The following EHMT1 variants were observed in gnomAD, a reference collection of about 807,000 sequenced individuals.
The protein encoded by EHMT1 is euchromatic histone lysine methyltransferase 1.
EHMT1 carries 15 observed loss-of-function variants against 147.2 expected under a neutral mutation model. The ratio of observed to expected loss-of-function variants is 0.10; its 90% CI spans 0.07 to 0.16. EHMT1 has a LOEUF of 0.16. Among genes scored for constraint, EHMT1 ranks in the 10% least tolerant of loss-of-function variants. The pLI, the probability that EHMT1 is intolerant of heterozygous loss-of-function variation, is 1.00. For missense variants in EHMT1, 1,587 were observed against 1,772.4 expected, an observed-to-expected ratio of 0.90 and a Z score of 1.88; for synonymous variants, 795 against 709.6, an observed-to-expected ratio of 1.12 and a Z score of -1.91.
At chr9:137,692,187 G>A (rs1332625969) in intron 1 of EHMT1, among the ~76,000 whole-genome samples, 1 of 151,982 alleles carries the variant, frequency 6.6e-6, no homozygotes, top group African/African-American at 2.4e-5. Flanking sequence ...GAACGTTTAC[G>A]TGCACCTGTG....
chr9:137,674,016 A>C (rs560782268), intron 1 of EHMT1, among the ~76,000 whole-genome samples: 2 of 152,296 alleles, frequency 1.3e-5, no homozygotes, highest in Admixed American at 6.5e-5. Context: ...AGGCCCAGAC[A>C]AGGTGCTGAC....
At chr9:137,668,086 G>C (rs1305697702) in intron 1 of EHMT1, among the ~76,000 whole-genome samples, 1 of 152,082 alleles carries the variant, frequency 6.6e-6, no homozygotes, top group Non-Finnish European at 1.5e-5. Context: ...TTCGACCTTG[G>C]AGAAGAGGCA....
rs1295409987 is a variant in EHMT1, at chr9:137,775,886, T to G, written c.1791+634T>G. On this transcript the variant is annotated intron_variant, in intron 11 of 26. Transcript: ENST00000460843. This position sits in a 1 kb window ranked among gnomAD's most constrained non-coding sequence, Gnocchi z 6.1. ...TGGGCATCCTCGTGCATGTAGGGTGTGTGTGTGTGTGTGTCTGTGCGCGCA... is the reference window on the plus strand; with the variant it reads ...TGGGCATCCTCGTGCATGTAGGGTGGGTGTGTGTGTGTGTCTGTGCGCGCA... 1.3e-5 allele frequency among the ~76,000 whole-genome samples: 2 copies of G among 151,242 alleles called. No homozygotes were observed. Among genetic ancestry groups the G allele is most frequent in the Non-Finnish European group, 2.9e-5 (2 of 67,868 alleles).
intron 1 of EHMT1, among the ~76,000 whole-genome samples, chr9:137,709,397 G>GC (rs908111505): frequency 7.9e-5 from 12 of 152,274 alleles, no homozygotes; most frequent in African/African-American, 2.6e-4. Context: ...GGAAACCTGG[G>GC]CCCCCCTGCC....
intron 16 of EHMT1, among the ~76,000 whole-genome samples, 185 bp from the exon 17 acceptor site, chr9:137,798,628 G>A (rs978198038): frequency 6.6e-6 from 1 of 152,156 alleles, no homozygotes; most frequent in South Asian, 2.1e-4. Context: ...GGGGCCACAG[G>A]GGGCTGCACA....
intron 8 of EHMT1, 43 bp from the exon 9 acceptor site, chr9:137,757,837 G>A (rs564617840): frequency 4.7e-5 from 76 of 1,611,558 alleles, no homozygotes; most frequent in South Asian, 1.6e-4. Flanking sequence ...GGGTGCGGCC[G>A]CCTGGGTGCG....
chr9:137,635,821 A>C (rs1376139863), intron 1 of EHMT1, among the ~76,000 whole-genome samples: 1 of 151,892 alleles, frequency 6.6e-6, no homozygotes, highest in East Asian at 2.0e-4. Context: ...CTGTCTCAAA[A>C]AACAAAACAA....
At chr9:137,681,090 G>A (rs1173019316) in intron 1 of EHMT1, among the ~76,000 whole-genome samples, 5 of 152,240 alleles carry the variant, frequency 3.3e-5, no homozygotes, top group African/African-American at 4.8e-5. Context: ...CAGGAGCAAA[G>A]CCCAGGCCAC....
chr9:137,675,756 C>T (rs576285500), intron 1 of EHMT1, among the ~76,000 whole-genome samples: 9 of 143,092 alleles, frequency 6.3e-5, no homozygotes, highest in South Asian at 4.4e-4. Flanking sequence ...GGATTACAGG[C>T]GTGCACCAAC....
rs766130532 is a variant in EHMT1 at position 137,728,538 on chromosome 9, G to C, written c.823+9G>C. The C allele has an allele frequency of 6.2e-7, 1 of 1,614,020 alleles. No individual in the cohort carries two copies. Among genetic ancestry groups the C allele is most frequent in the Non-Finnish European group, 8.5e-7 (1 of 1,179,998 alleles). On this transcript the variant is annotated intron_variant, in intron 4 of 26. Transcript: ENST00000460843. ...CACAAAATCACAGACAGGTAAAGAG[G>C]ACCCGGCAACTGTCTCTGCTCTTTG...
chr9:137,774,667 G>A (rs1270789543), intron 10 of EHMT1, among the ~76,000 whole-genome samples: 3 of 136,414 alleles, frequency 2.2e-5, no homozygotes, highest in Admixed American at 7.2e-5. Flanking sequence ...ATGTGGTCGC[G>A]CCTGGCCCCC....
At chr9:137,827,932 C>T (rs1334324889) in intron 25 of EHMT1, among the ~76,000 whole-genome samples, 2 of 152,196 alleles carry the variant, frequency 1.3e-5, no homozygotes, top group Non-Finnish European at 2.9e-5. Flanking sequence ...GTGTCCGTTC[C>T]TTTGAGGGTT....
chr9:137,650,337 G>A (rs1937659390), intron 1 of EHMT1, among the ~76,000 whole-genome samples: 1 of 151,678 alleles, frequency 6.6e-6, no homozygotes, highest in African/African-American at 2.4e-5. Flanking sequence ...GGGCTCAAGC[G>A]ATCTGCTCAC....
intron 1 of EHMT1, among the ~76,000 whole-genome samples, chr9:137,681,810 A>G (rs1941967882): frequency 6.6e-6 from 1 of 152,068 alleles, no homozygotes; most frequent in Admixed American, 6.5e-5. Context: ...GTGCCCCTCC[A>G]GGTGTTTGTG....
chr9:137,740,887 C>G (rs968062143), intron 4 of EHMT1, among the ~76,000 whole-genome samples: 84 of 152,072 alleles, frequency 5.5e-4, no homozygotes, highest in African/African-American at 2.0e-3. Flanking sequence ...ACTGCAAGCT[C>G]TGCCTCCCGG....
intron 25 of EHMT1, among the ~76,000 whole-genome samples, chr9:137,822,133 G>A (rs1203401017): frequency 6.6e-6 from 1 of 152,188 alleles, no homozygotes; most frequent in African/African-American, 2.4e-5. Context: ...AGTTCCACCT[G>A]CATTCACATT....
At chr9:137,669,418 G>C in intron 1 of EHMT1, among the ~76,000 whole-genome samples, 2 of 15,340 alleles carry the variant, frequency 1.3e-4, no homozygotes, top group Non-Finnish European at 2.5e-4. Context: ...TGCACTCCAC[G>C]ACTGCACCCA....
At chr9:137,739,884 C>T (rs1010262035) in intron 4 of EHMT1, among the ~76,000 whole-genome samples, 2 of 152,258 alleles carry the variant, frequency 1.3e-5, no homozygotes, top group South Asian at 2.1e-4. Flanking sequence ...GGAAGGAGGA[C>T]GGTGTCTCTG....
chr9:137,747,407 C>T (rs1392594873), intron 6 of EHMT1: 1 of 152,204 alleles, frequency 6.6e-6, no homozygotes, highest in Middle Eastern at 3.2e-3. Flanking sequence ...ATCGACCTGC[C>T]TCGGCCTCCC....
Sources: gnomAD v4.1 joint callset for allele counts (sites outside exome capture counted in the v4.1 genomes callset) on GRCh38, gnomAD v4.1.1 for gene constraint, Gnocchi (gnomAD v3.1) non-coding constraint, MANE v1.5 for transcripts, NCBI Gene and HGNC (gene_info 2026-07-23, HGNC 2026-07-21) for gene names.